The following RCL1 variants were observed in gnomAD, a reference collection of about 807,000 sequenced individuals.
RCL1 encodes the protein RNA 3'-terminal phosphate cyclase-like protein.
A neutral mutation model predicts 42.4 loss-of-function variants in RCL1; 24 were observed. The ratio of observed to expected loss-of-function variants is 0.57; its 90% CI spans 0.41 to 0.80. RCL1 has a LOEUF of 0.80. RCL1 is among the 30% of genes least tolerant of loss of function. The pLI, the probability that RCL1 is intolerant of heterozygous loss-of-function variation, is 0.00. For missense variants in RCL1, 578 were observed against 467.9 expected (o/e 1.24, Z -2.17); for synonymous variants, 228 against 177.3 (o/e 1.29, Z -2.27).
intron 2 of RCL1, among the ~76,000 whole-genome samples, chr9:4,825,346 A>G (rs1442170129): frequency 6.6e-6 from 1 of 152,230 alleles, no homozygotes; most frequent in Non-Finnish European, 1.5e-5. Flanking sequence ...TTGTATAAAT[A>G]AACATACGGA....
chr9:4,847,455 A>T (rs924592377), intron 7 of RCL1, among the ~76,000 whole-genome samples: 4 of 152,096 alleles, frequency 2.6e-5, no homozygotes, highest in African/African-American at 7.2e-5. Flanking sequence ...TTTATGCCTC[A>T]TCGGTTACCA....
At chr9:4,844,783 A>G in intron 7 of RCL1, 102 bp downstream of exon 7, 3 of 1,188,226 alleles carry the variant, frequency 2.5e-6, no homozygotes, top group Admixed American at 4.4e-5. Flanking sequence ...GGCTCAAGCC[A>G]AGGAGATAAT....
intron 7 of RCL1, 118 bp downstream of exon 7, chr9:4,844,799 C>A: frequency 2.0e-6 from 2 of 1,017,230 alleles, no homozygotes; most frequent in Non-Finnish European, 2.9e-6. Context: ...ATAATCTGTT[C>A]CTGTGCATTA....
chr9:4,798,936 A>G (rs1026199959), intron 1 of RCL1, among the ~76,000 whole-genome samples: 1 of 147,394 alleles, frequency 6.8e-6, no homozygotes, highest in Non-Finnish European at 1.5e-5. Flanking sequence ...CAGTTTTCAG[A>G]TACAGTGTTG....
chr9:4,812,566 C>T (rs1307834281), intron 1 of RCL1, among the ~76,000 whole-genome samples: 8 of 152,084 alleles, frequency 5.3e-5, no homozygotes, highest in African/African-American at 1.7e-4. Flanking sequence ...TTCAAAGTCA[C>T]GTAGTGTAAT....
chr9:4,832,606 G>C (rs1189266108), intron 3 of RCL1, among the ~76,000 whole-genome samples: 1 of 151,894 alleles, frequency 6.6e-6, no homozygotes, highest in Non-Finnish European at 1.5e-5. Context: ...TCAAGAGATT[G>C]AGACCATCCT....
intron 1 of RCL1, among the ~76,000 whole-genome samples, chr9:4,806,186 G>C (rs906202354): frequency 8.6e-5 from 13 of 151,876 alleles, no homozygotes; most frequent in African/African-American, 2.9e-4. Context: ...TCTACAAATA[G>C]TAACAGTTTG....
intron 5 of RCL1, chr9:4,839,743 A>C (rs976716995): frequency 1.0e-6 from 1 of 977,164 alleles, no homozygotes; most frequent in Non-Finnish European, 1.2e-6. Flanking sequence ...TCTGAGTACA[A>C]AAGTGGTGTA....
At chr9:4,817,583 C>G (rs956025075) in intron 1 of RCL1, among the ~76,000 whole-genome samples, 1 of 151,904 alleles carries the variant, frequency 6.6e-6, no homozygotes, top group Non-Finnish European at 1.5e-5. Flanking sequence ...AAGGGATCCT[C>G]CTGCCTCAGC....
intron 8 of RCL1, among the ~76,000 whole-genome samples, chr9:4,851,914 T>C (rs1445793451): frequency 7.9e-6 from 1 of 127,342 alleles, no homozygotes; most frequent in East Asian, 2.4e-4. Flanking sequence ...AGAGTTTCGC[T>C]CTGTCGCCCA....
chr9:4,834,296 T>TG lies in RCL1; in HGVS notation c.584+31_584+32insG, dbSNP rs774315982. On this transcript the variant is annotated intron_variant, in intron 5 of 8. Coordinates refer to ENST00000381750, the MANE Select transcript of RCL1 (RefSeq NM_005772.5). ...CTTTCCATTTATTTGGATTTCTTTT[T>TG]TTTTTGTTGTTGTTGCCTCACTAAG... is the stretch of plus-strand genomic sequence containing the variant. 4.4e-6 allele frequency: 7 copies of TG among 1,590,542 alleles called. No individual in the cohort carries two copies. In the African/African-American group the frequency reaches 5.5e-5, roughly 12 times the overall value.
intron 3 of RCL1, among the ~76,000 whole-genome samples, chr9:4,832,039 A>G (rs1489242922): frequency 6.6e-6 from 1 of 152,218 alleles, no homozygotes; most frequent in African/African-American, 2.4e-5. Context: ...AGAAGGGAAC[A>G]AGTAATGGAG....
chr9:4,827,272 C>A, intron 3 of RCL1: 1 of 1,391,446 alleles, frequency 7.2e-7, no homozygotes, highest in Non-Finnish European at 9.5e-7. Flanking sequence ...TACCTAAGAA[C>A]CTTCAAAACA....
In RCL1 at chr9:4,860,196, A is replaced by G; in HGVS notation, c.1043A>G (p.Glu348Gly). Residue 348 changes from glutamate (E) to glycine (G), a missense_variant, in exon 9 of 9, where the codon GAA (glutamate) becomes GGA (glycine). Coordinates refer to ENST00000381750, the MANE Select transcript of RCL1 (RefSeq NM_005772.5). ...MFKIETKPCG[E>G]ELKGGDKVLM... Reference sequence around the variant, plus strand: ...AAAATTGAAACCAAGCCATGTGGTGAAGAACTCAAGGGTGGGGATAAAGTG... The same window carrying G: ...AAAATTGAAACCAAGCCATGTGGTGGAGAACTCAAGGGTGGGGATAAAGTG... 8 of 1,612,782 alleles carry G rather than the reference A, an allele frequency of 5.0e-6. No homozygotes were observed. Among genetic ancestry groups the G allele is most frequent in the Non-Finnish European group, 5.9e-6 (7 of 1,179,540 alleles).
chr9:4,857,464 A>G (rs1354499150), intron 8 of RCL1, among the ~76,000 whole-genome samples: 1 of 152,200 alleles, frequency 6.6e-6, no homozygotes. Flanking sequence ...GGCAGAAAAA[A>G]AAAAATCTTC....
intron 3 of RCL1, among the ~76,000 whole-genome samples, chr9:4,828,919 A>G (rs961462351): frequency 6.6e-6 from 1 of 152,234 alleles, no homozygotes; most frequent in Non-Finnish European, 1.5e-5. Flanking sequence ...AGGCCAGGGT[A>G]AAATAAATAT....
chr9:4,822,067 C>G (rs560753127), intron 1 of RCL1, among the ~76,000 whole-genome samples: 4 of 152,342 alleles, frequency 2.6e-5, no homozygotes, highest in Admixed American at 6.5e-5. Context: ...GCTTTATTAA[C>G]CATTGTTATT....
intron 1 of RCL1, among the ~76,000 whole-genome samples, chr9:4,800,679 A>G (rs753338690): frequency 7.2e-6 from 1 of 138,076 alleles, no homozygotes; most frequent in Non-Finnish European, 1.6e-5. Context: ...TTGAGATGGA[A>G]TCTCGCTCTG....
chr9:4,796,600 A>C (rs767490446), intron 1 of RCL1, among the ~76,000 whole-genome samples: 1 of 152,048 alleles, frequency 6.6e-6, no homozygotes. Context: ...GGTGTTGTCT[A>C]TGTTGCCGAG....
Sources: allele counts gnomAD v4.1 joint callset (sites outside exome capture counted in the v4.1 genomes callset), GRCh38; gene constraint gnomAD v4.1.1; transcripts MANE v1.5; gene names NCBI Gene and HGNC (gene_info 2026-07-23, HGNC 2026-07-21).